Variants in PTPRT observed in about 807,000 individuals in gnomAD.
PTPRT encodes receptor-type tyrosine-protein phosphatase T.
In PTPRT, 56 loss-of-function variants were observed where a neutral mutation model predicts 176.8. The observed-to-expected ratio is 0.32, with a 90% CI of 0.26 to 0.40. The LOEUF (loss-of-function observed/expected upper bound fraction) is 0.40, where lower values mean the gene tolerates loss of function less well. Among genes scored for constraint, PTPRT ranks in the 10% least tolerant of loss-of-function variants. The probability of loss-of-function intolerance (pLI) is 1.00; values close to 1 mark genes in which losing one functional copy is unlikely to be tolerated. For missense variants in PTPRT, 1,540 were observed against 1,908.2 expected, an observed-to-expected ratio of 0.81 and a Z score of 3.60; for synonymous variants, 783 against 739.0, an observed-to-expected ratio of 1.06 and a Z score of -0.96.
chr20:42,695,060 C>A (rs2075853530), intron 6 of PTPRT, among the ~76,000 whole-genome samples: 1 of 152,134 alleles, frequency 6.6e-6, no homozygotes, highest in Non-Finnish European at 1.5e-5. Context: ...CTCATCATAT[C>A]TTTTGCAAAT....
intron 7 of PTPRT, among the ~76,000 whole-genome samples, chr20:42,646,991 C>T (rs758798405): frequency 7.0e-6 from 1 of 142,364 alleles, no homozygotes; most frequent in East Asian, 2.2e-4. Flanking sequence ...ATCTACTGGG[C>T]TCGAGCAATC....
chr20:42,751,520 TC>T (rs1244543280), intron 6 of PTPRT, among the ~76,000 whole-genome samples: 9 of 152,128 alleles, frequency 5.9e-5, no homozygotes, highest in Admixed American at 5.9e-4. Context: ...TCTGGGTGTT[TC>T]TAGGTGTTGC....
chr20:42,045,662 T>C, the PTPRT span, among the ~76,000 whole-genome samples: 8 of 151,416 alleles, frequency 5.3e-5, no homozygotes, highest in Non-Finnish European at 8.8e-5. Context: ...GTCCTTTTTT[T>C]TTTCTTTTAA....
intron 6 of PTPRT, among the ~76,000 whole-genome samples, chr20:42,716,491 C>T (rs537789539): frequency 2.9e-4 from 44 of 152,320 alleles, no homozygotes; most frequent in Non-Finnish European, 3.5e-4. Context: ...TTTCATTTCT[C>T]TGATGACCAG....
At chr20:43,008,087 T>TG (rs1450199049) in intron 1 of PTPRT, among the ~76,000 whole-genome samples, 1 of 152,180 alleles carries the variant, frequency 6.6e-6, no homozygotes, top group East Asian at 1.9e-4. Context: ...GACTGAGAAA[T>TG]GGCCATACAG....
At chr20:43,188,494 G>T (rs2015450831) in intron 1 of PTPRT, among the ~76,000 whole-genome samples, 1 of 152,116 alleles carries the variant, frequency 6.6e-6, no homozygotes, top group African/African-American at 2.4e-5. Context: ...CCTCCCCACA[G>T]GTTCGTTCTT....
At chr20:42,609,935 G>A (rs1208873782) in intron 7 of PTPRT, among the ~76,000 whole-genome samples, 2 of 152,182 alleles carry the variant, frequency 1.3e-5, no homozygotes, top group Admixed American at 1.3e-4. Flanking sequence ...AATGTGCTGT[G>A]GCCTCCAGGA....
At chr20:42,127,321 C>T (rs1030705734) in intron 19 of PTPRT, among the ~76,000 whole-genome samples, 11 of 152,116 alleles carry the variant, frequency 7.2e-5, no homozygotes, top group South Asian at 2.1e-4. Flanking sequence ...AGTTGCTGCC[C>T]AAGGAAGGGA....
At chr20:42,473,568 T>C (rs1321204483) in intron 7 of PTPRT, among the ~76,000 whole-genome samples, 1 of 152,124 alleles carries the variant, frequency 6.6e-6, no homozygotes, top group Non-Finnish European at 1.5e-5. Flanking sequence ...CTCAAACTCC[T>C]AGGCTCAAGC....
rs140820475 is a variant in PTPRT at position 42,742,500 on chromosome 20, C to A, written c.859+13962G>T. Among the ~76,000 whole-genome samples the A allele has an allele frequency of 2.1e-3, 320 of 152,244 alleles. 1 individual carries two copies. Among genetic ancestry groups the A allele is most frequent in the African/African-American group, 7.4e-3 (309 of 41,538 alleles). On this transcript the variant is annotated intron_variant, in intron 6 of 30. Coordinates refer to ENST00000373187, the MANE Select transcript of PTPRT (RefSeq NM_007050.6). ...CAGGGACCCAGGCTCCGATCTGGAG[C>A]TGCTGCCTGACTTAATATGTGGTCT...
chr20:42,738,249 A>T (rs1039179925), intron 6 of PTPRT, among the ~76,000 whole-genome samples: 7 of 152,160 alleles, frequency 4.6e-5, no homozygotes, highest in African/African-American at 1.7e-4. Flanking sequence ...ATGGTAGCTC[A>T]TGCCTGTAAT....
intron 1 of PTPRT, among the ~76,000 whole-genome samples, chr20:43,123,823 A>G (rs1229056534): frequency 6.6e-6 from 1 of 152,220 alleles, no homozygotes; most frequent in African/African-American, 2.4e-5. Context: ...TTTGTAGTAT[A>G]TCTTAAGGCA....
At chr20:42,393,908 A>G (rs2058824529) in intron 9 of PTPRT, among the ~76,000 whole-genome samples, 1 of 152,200 alleles carries the variant, frequency 6.6e-6, no homozygotes, top group Non-Finnish European at 1.5e-5. Flanking sequence ...ACAGAATTGC[A>G]TGGAAGAGTC....
At position 42,102,018 on chromosome 20, in the gene PTPRT, G is replaced by A; in HGVS notation, c.3714+106C>T. ...GGGACTAGTAGATCAGAAGCAGGGG[G>A]GGCTGGCTGGTGGGGTCAGGGCCCT... On this transcript the variant is annotated intron_variant, in intron 26 of 30. Transcript: ENST00000373187. The A allele has an allele frequency of 9.7e-6, 13 of 1,341,460 alleles. No individual in the cohort carries two copies. In the South Asian group the frequency reaches 1.7e-4, roughly 17 times the overall value. 83.1% of individuals were successfully genotyped at this position (1,341,460 alleles called of 1,614,324 possible). A position where few individuals can be genotyped will look rare whatever the true frequency, so the allele number is the denominator to read the frequency against.
At chr20:42,591,975 C>CTTTTTTTTTT (rs71335866) in intron 7 of PTPRT, among the ~76,000 whole-genome samples, 2 of 102,392 alleles carry the variant, frequency 2.0e-5, no homozygotes, top group Non-Finnish European at 3.8e-5. Flanking sequence ...GCTGGAGATT[C>CTTTTTTTTTT]TTTTTTTTTT....
chr20:42,941,697 CAGAA>C (rs79914166), intron 1 of PTPRT, among the ~76,000 whole-genome samples: 3,041 of 152,216 alleles, frequency 0.02, 36 homozygotes, highest in Non-Finnish European at 0.028. Flanking sequence ...AGTGAGACAG[CAGAA>C]AGAGAGAGAT....
chr20:42,589,272 T>C (rs2073527426), intron 7 of PTPRT, among the ~76,000 whole-genome samples: 1 of 152,188 alleles, frequency 6.6e-6, no homozygotes. Flanking sequence ...TTCTCAGACA[T>C]ATGCCAAGTT....
At chr20:42,346,836 C>T (rs1429758180) in intron 11 of PTPRT, among the ~76,000 whole-genome samples, 1 of 152,186 alleles carries the variant, frequency 6.6e-6, no homozygotes, top group Non-Finnish European at 1.5e-5. Flanking sequence ...ACACACAGCT[C>T]CACTCAAAGA....
At chr20:42,871,603 A>G (rs536588285) in intron 2 of PTPRT, among the ~76,000 whole-genome samples, 61 of 152,308 alleles carry the variant, frequency 4.0e-4, no homozygotes, top group African/African-American at 1.4e-3. Flanking sequence ...TAGGGGTTTT[A>G]CAGTTTTCAC....
Sources: allele counts gnomAD v4.1 joint callset (sites outside exome capture counted in the v4.1 genomes callset), GRCh38; gene constraint gnomAD v4.1.1; transcripts MANE v1.5; gene names NCBI Gene and HGNC (gene_info 2026-07-23, HGNC 2026-07-21).